RDX: variants seen among roughly 807,000 people sequenced by gnomAD.
The protein encoded by RDX is deafness, autosomal recessive 24.
Under a neutral mutation model 83.7 loss-of-function variants are expected in RDX, and 32 were observed. The observed-to-expected ratio is 0.38, with a 90% CI of 0.29 to 0.51. The LOEUF (loss-of-function observed/expected upper bound fraction) is 0.51, where lower values mean the gene tolerates loss of function less well. Among genes scored for constraint, RDX ranks in the 20% least tolerant of loss-of-function variants. The pLI is 0.87. For synonymous variants in RDX, 229 were observed against 222.7 expected (o/e 1.03, Z -0.25); for missense variants, 600 against 689.9 (o/e 0.87, Z 1.46).
chr11:110,184,911 A>AG (rs890800257), intron 15 of RDX, among the ~76,000 whole-genome samples: 11 of 152,152 alleles, frequency 7.2e-5, no homozygotes, highest in Admixed American at 2.6e-4. Flanking sequence ...CTGACCTTGG[A>AG]GGGGGGGCTA....
chr11:110,252,387 GATAT>G (rs1859370882), intron 9 of RDX, among the ~76,000 whole-genome samples: 1 of 152,060 alleles, frequency 6.6e-6, no homozygotes, highest in Non-Finnish European at 1.5e-5. Context: ...TGAAATAAAG[GATAT>G]ATAGATAAAT....
At chr11:110,196,899 A>G (rs543756600) in intron 15 of RDX, among the ~76,000 whole-genome samples, 1 of 152,226 alleles carries the variant, frequency 6.6e-6, no homozygotes, top group Non-Finnish European at 1.5e-5. Context: ...TATCTTGTTC[A>G]TGGCTTATTT....
chr11:110,290,451 AC>A (rs1028835089), intron 1 of RDX, among the ~76,000 whole-genome samples: 45 of 152,120 alleles, frequency 3.0e-4, no homozygotes, highest in African/African-American at 1.0e-3. Flanking sequence ...GGTCAAGGTC[AC>A]AGTGAGCTAT....
chr11:110,279,336 G>C (rs1394337470), intron 2 of RDX, among the ~76,000 whole-genome samples: 1 of 152,116 alleles, frequency 6.6e-6, no homozygotes, highest in African/African-American at 2.4e-5. Context: ...TTATGGTCTG[G>C]CCAACATGGT....
chr11:110,269,160 C>T (rs1860189933), intron 3 of RDX, among the ~76,000 whole-genome samples: 1 of 151,858 alleles, frequency 6.6e-6, no homozygotes, highest in East Asian at 1.9e-4. Flanking sequence ...CAATATTGGA[C>T]AGGAAAAGGT....
chr11:110,244,497 T>C lies in RDX; in HGVS notation c.1090+3206A>G, dbSNP rs557722628. On this transcript the variant is annotated intron_variant, in intron 10 of 13. Transcript: ENST00000645495. The stretch of plus-strand genomic sequence containing the variant: ...CACATTTTGCATGATTCCATTCATA[T>C]GATGGTCTAGAACAGACAAAACTTT... Among the ~76,000 whole-genome samples, 24 of 151,918 alleles carry C rather than the reference T, an allele frequency of 1.6e-4. No homozygotes were observed. In the South Asian group the frequency reaches 3.9e-3, roughly 25 times the overall value.
chr11:110,261,525 C>T (rs1186407913), intron 5 of RDX, among the ~76,000 whole-genome samples: 1 of 152,070 alleles, frequency 6.6e-6, no homozygotes, highest in Non-Finnish European at 1.5e-5. Flanking sequence ...TCATTTCCTC[C>T]CCAGACTGTA....
Position 110,251,138 on chromosome 11 carries a change from T to C in RDX, c.959+2808A>G, listed in dbSNP as rs144009425. Among the ~76,000 whole-genome samples, 414 of 152,342 alleles carry C rather than the reference T, an allele frequency of 2.7e-3. 3 individuals are homozygous for C. Among genetic ancestry groups the C allele is most frequent in the African/African-American group, 9.6e-3 (398 of 41,576 alleles). On this transcript the variant is annotated intron_variant, in intron 9 of 13. Transcript: ENST00000645495. ...AAGTCTTTTGTGATTACTGTAACAA[T>C]AGATGCAGATATTTTTATTTGGAGT... is the stretch of plus-strand genomic sequence containing the variant.
chr11:110,219,988 C>A (rs1017575213), intron 14 of RDX, among the ~76,000 whole-genome samples: 2 of 152,044 alleles, frequency 1.3e-5, no homozygotes, highest in Middle Eastern at 3.2e-3. Context: ...GAGGAAGGAA[C>A]CTCACTTATT....
At chr11:110,260,093 TCTC>T (rs535815880) in intron 5 of RDX, among the ~76,000 whole-genome samples, 1 of 152,046 alleles carries the variant, frequency 6.6e-6, no homozygotes, top group African/African-American at 2.4e-5. Flanking sequence ...TTCAAGCGAT[TCTC>T]CTGCCTGAGC....
chr11:110,249,669 T>G (rs1859248001), intron 9 of RDX, among the ~76,000 whole-genome samples: 1 of 151,818 alleles, frequency 6.6e-6, no homozygotes, highest in African/African-American at 2.4e-5. Flanking sequence ...AGGTTAGGAG[T>G]CCAAGACCAG....
chr11:110,226,002 G>A (rs1369479784), downstream of RDX, among the ~76,000 whole-genome samples: 1 of 148,546 alleles, frequency 6.7e-6, no homozygotes, highest in Non-Finnish European at 1.5e-5. Context: ...GGAGGCACAG[G>A]TTGCAGTGAG....
intron 15 of RDX, among the ~76,000 whole-genome samples, chr11:110,176,766 T>A (rs1297296063): frequency 6.6e-6 from 1 of 152,114 alleles, no homozygotes; most frequent in Non-Finnish European, 1.5e-5. Flanking sequence ...AGAGGGGGAT[T>A]GTCAGGCCAC....
intron 15 of RDX, among the ~76,000 whole-genome samples, chr11:110,188,935 G>A (rs564752237): frequency 2.6e-5 from 4 of 151,748 alleles, no homozygotes; most frequent in African/African-American, 4.8e-5. Context: ...TAAAGCAACC[G>A]CACAATAGAA....
At chr11:110,285,881 C>T (rs1293030403) in intron 1 of RDX, among the ~76,000 whole-genome samples, 1 of 151,742 alleles carries the variant, frequency 6.6e-6, no homozygotes, top group Non-Finnish European at 1.5e-5. Context: ...TAACTTGAAA[C>T]AAAACCTGGT....
chr11:110,175,264 C>A (rs1462058868), intron 15 of RDX: 1 of 152,232 alleles, frequency 6.6e-6, no homozygotes. Context: ...ACATTTATTT[C>A]TAATGTTTCC....
intron 15 of RDX, among the ~76,000 whole-genome samples, chr11:110,188,355 G>C (rs562477984): frequency 1.3e-5 from 2 of 149,910 alleles, no homozygotes; most frequent in Non-Finnish European, 3.0e-5. Flanking sequence ...AATGGCATTC[G>C]CAGCAACCTG....
intron 2 of RDX, among the ~76,000 whole-genome samples, chr11:110,278,090 T>C (rs1256986381): frequency 6.6e-6 from 1 of 152,200 alleles, no homozygotes; most frequent in African/African-American, 2.4e-5. Context: ...TTGTCAAAAA[T>C]CTAATGAATA....
At chr11:110,238,722 G>A (rs542927020) in intron 10 of RDX, among the ~76,000 whole-genome samples, 2 of 152,112 alleles carry the variant, frequency 1.3e-5, no homozygotes, top group African/African-American at 4.8e-5. Context: ...TCAGGAGTTT[G>A]AGACCAGACT....
Sources: allele counts gnomAD v4.1 joint callset (sites outside exome capture counted in the v4.1 genomes callset), GRCh38; gene constraint gnomAD v4.1.1; transcripts MANE v1.5; gene names NCBI Gene and HGNC (gene_info 2026-07-23, HGNC 2026-07-21).